The following AKAP8L variants were observed in gnomAD, a reference collection of about 807,000 sequenced individuals.
The protein encoded by AKAP8L is A-kinase anchoring protein 8 like, also known as A-kinase anchor protein 8-like.
A neutral mutation model predicts 77.5 loss-of-function variants in AKAP8L; 34 were observed. That is an observed-to-expected ratio of 0.44 (90% confidence interval 0.33 to 0.58). The LOEUF is 0.58. Ranked by LOEUF, AKAP8L falls within the 20% of genes least tolerant of loss-of-function variation. The pLI is 0.02. For missense variants in AKAP8L, 806 were observed against 887.6 expected, an observed-to-expected ratio of 0.91 and a Z score of 1.17; for synonymous variants, 342 against 340.7, an observed-to-expected ratio of 1.00 and a Z score of -0.04.
chr19:15,389,910 C>T (rs757889917), intron 12 of AKAP8L, among the ~76,000 whole-genome samples: 11 of 73,276 alleles, frequency 1.5e-4, no homozygotes, highest in Non-Finnish European at 2.6e-4. Flanking sequence ...CACAAGGAAA[C>T]CCCAATATTA....
chr19:15,406,400 A>AGAGAGG (rs1183555648), intron 2 of AKAP8L, among the ~76,000 whole-genome samples: 37 of 146,432 alleles, frequency 2.5e-4, no homozygotes, highest in African/African-American at 9.2e-4. Context: ...AGAGAGAGAG[A>AGAGAGG]GAGATCCTTA....
At chr19:15,417,426 G>T (rs182413562) in intron 1 of AKAP8L, among the ~76,000 whole-genome samples, 1 of 152,080 alleles carries the variant, frequency 6.6e-6, no homozygotes, top group East Asian at 1.9e-4. Context: ...ACTTCTTTGC[G>T]GTAGGTGTCA....
chr19:15,380,242 GGGCGGC>G lies in AKAP8L; in HGVS notation c.1815_1820del (p.Pro607_Pro608del). 2 of 1,500,020 alleles carry G rather than the reference GGGCGGC, an allele frequency of 1.3e-6. No individual in the cohort carries two copies. Among genetic ancestry groups the G allele is most frequent in the Non-Finnish European group, 8.8e-7 (1 of 1,134,722 alleles). 92.9% of individuals were successfully genotyped at this position (1,500,020 alleles called of 1,614,324 possible). A position where few individuals can be genotyped will look rare whatever the true frequency, so the allele number is the denominator to read the frequency against. On this transcript the variant is annotated inframe_deletion, in exon 14 of 14. Coordinates refer to ENST00000397410, the MANE Select transcript of AKAP8L (RefSeq NM_014371.4). ...CGGCGCCCTCCTCCTCCTCCTCTGG[GGGCGGC>G]GGCGGTGGCGGCGACACGGCCCCGG... is the stretch of plus-strand genomic sequence containing the variant.
chr19:15,404,568 T>A (rs1344046532), intron 2 of AKAP8L, among the ~76,000 whole-genome samples: 7 of 152,292 alleles, frequency 4.6e-5, no homozygotes, highest in African/African-American at 1.4e-4. Flanking sequence ...TCACAACACA[T>A]GATAAAACCT....
chr19:15,393,903 CAAAAA>C (rs35729766), intron 12 of AKAP8L, among the ~76,000 whole-genome samples: 2 of 96,436 alleles, frequency 2.1e-5, no homozygotes, highest in Admixed American at 1.1e-4. Flanking sequence ...ATCTCTGTCT[CAAAAA>C]AAAAAAAAAA....
rs778423992 is a variant in AKAP8L at position 15,380,235 on chromosome 19, C to T, written c.1828G>A (p.Glu610Lys). The change falls in exon 14 of 14, where the codon GAG becomes AAG. Residue 610 changes from glutamate (E) to lysine (K), a missense_variant. Physicochemically the swap from Glu to Lys is moderately conservative, Grantham distance 56. Transcript: ENST00000397410. Reference protein sequence around the residue: ...VSPPPPPPPEEEEEGAVPLLG... With the variant: ...VSPPPPPPPEKEEEGAVPLLG... ...AAGGGCACGGCGCCCTCCTCCTCCT[C>T]CTCTGGGGGCGGCGGCGGTGGCGGC... 4.2e-4 allele frequency: 628 copies of T among 1,503,942 alleles called. 2 individuals are homozygous for T. The highest frequency in any genetic ancestry group is 6.3e-4 in the Middle Eastern group (3 of 4,734). 93.2% of individuals were successfully genotyped at this position (1,503,942 alleles called of 1,614,324 possible). A position where few individuals can be genotyped will look rare whatever the true frequency, so the allele number is the denominator to read the frequency against.
In AKAP8L at chr19:15,380,268, C is replaced by G. The variant is rs1967373083; in HGVS notation, c.1795G>C (p.Ala599Pro). 1 of 1,515,934 alleles carries G rather than the reference C, an allele frequency of 6.6e-7. No individual in the cohort carries two copies. 93.9% of individuals were successfully genotyped at this position (1,515,934 alleles called of 1,614,324 possible). ...GGCGGCGGCGGTGGCGGCGACACGG[C>G]CCCGGGGGCTGGCTCTGGGGGCACG... ...PPVPPEPAPG[A>P]VSPPPPPPPE... Residue 599 changes from alanine to proline, a missense_variant, in exon 14 of 14, where the codon GCC becomes CCC. Physicochemically the swap from Ala to Pro is conservative, Grantham distance 27. Transcript: ENST00000397410.
chr19:15,393,697 G>T (rs1228422797), intron 12 of AKAP8L, among the ~76,000 whole-genome samples: 1 of 152,036 alleles, frequency 6.6e-6, no homozygotes, highest in Non-Finnish European at 1.5e-5. Flanking sequence ...AAGACAGGGG[G>T]ATCACCTGAG....
chr19:15,380,716 AC>A, intron 12 of AKAP8L, 104 bp from the exon 13 acceptor site: 1 of 983,738 alleles, frequency 1.0e-6, no homozygotes, highest in Non-Finnish European at 1.5e-6. Context: ...CCCTGCACCC[AC>A]GCACTTCCAG....
At chr19:15,389,428 A>C (rs891284911) in intron 12 of AKAP8L, among the ~76,000 whole-genome samples, 1 of 152,110 alleles carries the variant, frequency 6.6e-6, no homozygotes, top group South Asian at 2.1e-4. Context: ...ATACTTGAAG[A>C]AACAATGGCT....
In AKAP8L at chr19:15,391,338, G is replaced by A. The variant is rs572748302; in HGVS notation, c.1536+5812C>T. 1.1e-4 allele frequency among the ~76,000 whole-genome samples: 17 copies of A among 148,870 alleles called. No individual in the cohort carries two copies. The South Asian group carries it at 3.7e-3, about 32-fold the overall frequency. On this transcript the variant is annotated intron_variant, in intron 12 of 13. Coordinates refer to ENST00000397410, the MANE Select transcript of AKAP8L (RefSeq NM_014371.4). ...CTGCGCGTGGTGGCGGGCACCTGTA[G>A]TCCCAGCTACTTGGGAGGCTGAGGC...
At chr19:15,382,696 G>C (rs1044132077) in intron 12 of AKAP8L, among the ~76,000 whole-genome samples, 2 of 152,180 alleles carry the variant, frequency 1.3e-5, no homozygotes, top group Non-Finnish European at 2.9e-5. Context: ...ACTGGGCACA[G>C]TGTCTCGTGC....
At chr19:15,400,138 C>T (rs1967861252) in intron 8 of AKAP8L, 157 bp downstream of exon 8, 5 of 690,876 alleles carry the variant, frequency 7.2e-6, no homozygotes, top group Admixed American at 2.6e-5. Flanking sequence ...GGGGTGGAGG[C>T]GGCGAAAAGA....
chr19:15,382,128 T>TA (rs1418394136), intron 12 of AKAP8L: 2 of 152,154 alleles, frequency 1.3e-5, no homozygotes, highest in Non-Finnish European at 2.9e-5. Context: ...AGTGCTCTGG[T>TA]AAGCACACTG....
intron 2 of AKAP8L, among the ~76,000 whole-genome samples, chr19:15,406,591 G>A (rs1259705344): frequency 3.3e-5 from 5 of 151,788 alleles, no homozygotes; most frequent in Admixed American, 2.6e-4. Flanking sequence ...CTCAGCCTCC[G>A]GAGTGGCTGG....
intron 12 of AKAP8L, among the ~76,000 whole-genome samples, chr19:15,392,197 T>C (rs1967677755): frequency 6.6e-6 from 1 of 152,228 alleles, no homozygotes; most frequent in Admixed American, 6.5e-5. Context: ...GGTTGTAGGG[T>C]ATAATATCAA....
chr19:15,395,431 T>C (rs1374904666), intron 12 of AKAP8L, among the ~76,000 whole-genome samples: 1 of 151,980 alleles, frequency 6.6e-6, no homozygotes, highest in Non-Finnish European at 1.5e-5. Flanking sequence ...TTCTTCTGCC[T>C]TGGCCTCCCG....
rs1599604408 is a variant in AKAP8L, at chr19:15,398,018, A to G, written c.1158-163T>C. The G allele has an allele frequency of 1.3e-6, 1 of 753,278 alleles. No individual in the cohort carries two copies. The highest frequency in any genetic ancestry group is 2.1e-6 in the Non-Finnish European group (1 of 475,698). The allele number at this position is 753,278 out of a possible 1,614,324, so 46.7% of individuals were successfully genotyped here. A position where few individuals can be genotyped will look rare whatever the true frequency, so the allele number is the denominator to read the frequency against. On this transcript the variant is annotated intron_variant, in intron 9 of 13. Transcript: ENST00000397410. This position sits in a 1 kb window ranked among gnomAD's most constrained non-coding sequence, Gnocchi z 9.2. ...GGCTGGGACCAGTGGGGTCGGGAGTAGAAAGGGCCAGAAAGTCTGCAGGCT... is the reference window on the plus strand; with the variant it reads ...GGCTGGGACCAGTGGGGTCGGGAGTGGAAAGGGCCAGAAAGTCTGCAGGCT...
At position 15,397,316 on chromosome 19, in the gene AKAP8L, G is replaced by A; in HGVS notation, c.1406-36C>T. The A allele has an allele frequency of 6.2e-7, 1 of 1,611,434 alleles. No individual in the cohort carries two copies. Among genetic ancestry groups the A allele is most frequent in the Non-Finnish European group, 8.5e-7 (1 of 1,178,140 alleles). On this transcript the variant is annotated intron_variant, in intron 11 of 13. Coordinates refer to ENST00000397410, the MANE Select transcript of AKAP8L (RefSeq NM_014371.4). The surrounding 1 kb of genome is among the most constrained non-coding windows in gnomAD (Gnocchi z 4.7). ...GAGGAGGGAGTCACCACTGGGCCCA[G>A]GTGCCTAAGATAGACCCAGGTGTTC...
Sources: allele counts gnomAD v4.1 joint callset (sites outside exome capture counted in the v4.1 genomes callset), GRCh38; gene constraint gnomAD v4.1.1; non-coding constraint Gnocchi (gnomAD v3.1); transcripts MANE v1.5; gene names NCBI Gene and HGNC (gene_info 2026-07-23, HGNC 2026-07-21).